The following LRRC4C variants were observed in gnomAD, a reference collection of about 807,000 sequenced individuals.
LRRC4C encodes the protein leucine rich repeat containing 4C.
LRRC4C carries 5 observed loss-of-function variants against 33.6 expected under a neutral mutation model. The observed-to-expected ratio is 0.15, with a 90% confidence interval of 0.08 to 0.31. LRRC4C has a LOEUF of 0.31. LRRC4C is among the 10% of genes least tolerant of loss of function. LRRC4C has a pLI of 1.00. For synonymous variants in LRRC4C, 329 were observed against 302.0 expected, an observed-to-expected ratio of 1.09 and a Z score of -0.93; for missense variants, 560 against 796.7, an observed-to-expected ratio of 0.70 and a Z score of 3.58.
chr11:41,315,448 T>C (rs576067889), intron 1 of LRRC4C, among the ~76,000 whole-genome samples: 80 of 152,304 alleles, frequency 5.3e-4, no homozygotes, highest in South Asian at 3.9e-3. Flanking sequence ...ACAGGTGTCG[T>C]GTCATGAGAA....
chr11:41,015,942 A>T (rs1000096845), intron 1 of LRRC4C, among the ~76,000 whole-genome samples: 1 of 152,156 alleles, frequency 6.6e-6, no homozygotes, highest in Non-Finnish European at 1.5e-5. Context: ...GTGAGCCGAG[A>T]TCGCGCCACT....
chr11:41,123,642 A>C (rs1378784262), intron 1 of LRRC4C, among the ~76,000 whole-genome samples: 4 of 151,784 alleles, frequency 2.6e-5, no homozygotes. Context: ...AGGATAAATT[A>C]ATTCATTCTT....
chr11:40,218,649 T>TCTAC (rs1171296718), intron 5 of LRRC4C, among the ~76,000 whole-genome samples: 3 of 150,808 alleles, frequency 2.0e-5, no homozygotes, highest in Non-Finnish European at 4.4e-5. Flanking sequence ...TATTTATCTA[T>TCTAC]CTATCATCTA....
intron 2 of LRRC4C, among the ~76,000 whole-genome samples, chr11:40,728,801 A>G (rs1224604576): frequency 6.6e-6 from 1 of 152,204 alleles, no homozygotes; most frequent in East Asian, 1.9e-4. Flanking sequence ...ATACATAGCC[A>G]TAAAAATGAA....
chr11:40,676,336 A>T (rs929106163), intron 2 of LRRC4C, among the ~76,000 whole-genome samples: 3 of 152,164 alleles, frequency 2.0e-5, no homozygotes, highest in African/African-American at 7.2e-5. Flanking sequence ...GTTTCATTGA[A>T]TCATAGAAAC....
chr11:40,178,033 A>G (rs1205231604), intron 5 of LRRC4C, among the ~76,000 whole-genome samples: 1 of 152,226 alleles, frequency 6.6e-6, no homozygotes, highest in African/African-American at 2.4e-5. Context: ...AATGAATGCT[A>G]TAATCAATGC....
chr11:40,375,591 C>T (rs1389947342), intron 3 of LRRC4C, among the ~76,000 whole-genome samples: 2 of 152,134 alleles, frequency 1.3e-5, no homozygotes, highest in Non-Finnish European at 2.9e-5. Context: ...AAAGGTGAGC[C>T]TTGAACCGTT....
intron 1 of LRRC4C, among the ~76,000 whole-genome samples, chr11:41,069,910 A>C (rs545306589): frequency 1.5e-4 from 23 of 152,320 alleles, no homozygotes; most frequent in African/African-American, 5.5e-4. Flanking sequence ...GAATTAGAAA[A>C]AAATTACTTT....
At chr11:41,345,702 G>T (rs1165198963) in intron 1 of LRRC4C, among the ~76,000 whole-genome samples, 1 of 152,190 alleles carries the variant, frequency 6.6e-6, no homozygotes, top group African/African-American at 2.4e-5. Context: ...TGACCTAGGA[G>T]TTCCCATCGG....
intron 1 of LRRC4C, chr11:41,424,039 G>T (rs950216191): frequency 6.6e-6 from 1 of 152,020 alleles, no homozygotes; most frequent in South Asian, 2.1e-4. Context: ...ATCTTTATCA[G>T]CAGTGTCAAA....
At chr11:40,993,946 T>C (rs1025045925) in intron 1 of LRRC4C, among the ~76,000 whole-genome samples, 1 of 152,058 alleles carries the variant, frequency 6.6e-6, no homozygotes, top group Non-Finnish European at 1.5e-5. Context: ...ACAATGAACC[T>C]TGGCACATTA....
Position 40,769,827 on chromosome 11 carries a change from A to G in LRRC4C, c.-406-121549T>C, listed in dbSNP as rs188206482. 1.9e-4 allele frequency among the ~76,000 whole-genome samples: 29 copies of G among 152,298 alleles called. 1 individual carries two copies. ...ATCTCTTGCCATATACAAAAATCAA[A>G]CCAACATGGATTAAAGACTTAAATC... On this transcript the variant is annotated intron_variant, in intron 2 of 6. Transcript: ENST00000528697.
At position 41,390,959 on chromosome 11, in the gene LRRC4C, T is replaced by C. The variant is rs1209486196; in HGVS notation, c.-496+68472A>G. 4.1e-5 allele frequency among the ~76,000 whole-genome samples: 6 copies of C among 147,922 alleles called. No individual in the cohort carries two copies. In the Admixed American group the frequency reaches 4.1e-4, roughly 10 times the overall value. ...TAGCTTTCTTTAACTAAAAGCAGTATACAGGGTTGAGGTTTGCTTTAATTA... is the reference window on the plus strand; with the variant it reads ...TAGCTTTCTTTAACTAAAAGCAGTACACAGGGTTGAGGTTTGCTTTAATTA... On this transcript the variant is annotated intron_variant, in intron 1 of 6. Transcript: ENST00000528697.
At chr11:41,214,643 G>T (rs139016790) in intron 1 of LRRC4C, among the ~76,000 whole-genome samples, 7 of 146,722 alleles carry the variant, frequency 4.8e-5, no homozygotes, top group Non-Finnish European at 1.0e-4. Flanking sequence ...CCAGCTACTC[G>T]GCAGGCTGAG....
intron 3 of LRRC4C, among the ~76,000 whole-genome samples, chr11:40,569,809 T>C (rs1049940767): frequency 1.3e-5 from 2 of 152,026 alleles, no homozygotes; most frequent in Non-Finnish European, 2.9e-5. Context: ...TCTTTAAAAA[T>C]AAAATATTCA....
intron 1 of LRRC4C, among the ~76,000 whole-genome samples, chr11:41,115,010 C>T (rs1942040565): frequency 6.6e-6 from 1 of 151,984 alleles, no homozygotes; most frequent in Admixed American, 6.6e-5. Flanking sequence ...GCCATTTTTT[C>T]ATAACTGTTG....
rs550952107 is a variant in LRRC4C at position 40,529,507 on chromosome 11, G to T, written c.-270+118635C>A. 2.3e-4 allele frequency among the ~76,000 whole-genome samples: 35 copies of T among 152,186 alleles called. No homozygotes were observed. In the South Asian group the frequency reaches 6.8e-3, roughly 30 times the overall value. On this transcript the variant is annotated intron_variant, in intron 3 of 6. Transcript: ENST00000528697. ...GACAGATGGATCATAGAAGGTAAGA[G>T]AAATAGTTGTTTTAAAAGAAAGGGA...
chr11:40,460,921 A>C (rs1270449594), intron 3 of LRRC4C, among the ~76,000 whole-genome samples: 1 of 152,162 alleles, frequency 6.6e-6, no homozygotes, highest in Non-Finnish European at 1.5e-5. Context: ...TTAATATATG[A>C]AAAGGATGGT....
intron 1 of LRRC4C, among the ~76,000 whole-genome samples, chr11:41,190,898 G>A (rs915345308): frequency 1.3e-5 from 2 of 152,064 alleles, no homozygotes; most frequent in Non-Finnish European, 2.9e-5. Context: ...AATGTCTCTC[G>A]CTACAGTAAG....
Sources: allele counts gnomAD v4.1 joint callset (sites outside exome capture counted in the v4.1 genomes callset), GRCh38; gene constraint gnomAD v4.1.1; transcripts MANE v1.5; gene names NCBI Gene and HGNC (gene_info 2026-07-23, HGNC 2026-07-21).